BBX: variants seen among roughly 807,000 people sequenced by gnomAD.
BBX encodes the protein HMG box transcription factor BBX.
Under a neutral mutation model 100.2 loss-of-function variants are expected in BBX, and 30 were observed. That is an observed-to-expected ratio of 0.30 (90% CI 0.22 to 0.41). The LOEUF (loss-of-function observed/expected upper bound fraction) is 0.41, where lower values mean the gene tolerates loss of function less well. BBX is among the 10% of genes least tolerant of loss of function. The pLI is 1.00. For missense variants in BBX, 1,023 were observed against 1,129.8 expected (o/e 0.91, Z 1.35); for synonymous variants, 376 against 388.1 (o/e 0.97, Z 0.37).
At chr3:107,676,040 A>G (rs2059263231) in intron 3 of BBX, among the ~76,000 whole-genome samples, 3 of 152,168 alleles carry the variant, frequency 2.0e-5, no homozygotes, top group Admixed American at 6.6e-5. Flanking sequence ...ATTATCACAC[A>G]GTAGGAATGC....
intron 3 of BBX, among the ~76,000 whole-genome samples, chr3:107,691,056 A>G (rs1346312642): frequency 6.6e-6 from 1 of 151,838 alleles, no homozygotes. Context: ...ACCGGTGTGC[A>G]CCACCATGCC....
rs190481756 is a variant in BBX, at chr3:107,565,749, G to A, written c.-84+39351G>A. ...TCGGATTACAGGCATGAGCCACCGT[G>A]CCCAACCTAGTTTTTTTTTTATTTT... On this transcript the variant is annotated intron_variant, in intron 2 of 17. Coordinates refer to ENST00000325805, the MANE Select transcript of BBX (RefSeq NM_001142568.3). Among the ~76,000 whole-genome samples, 380 of 151,726 alleles carry A rather than the reference G, an allele frequency of 2.5e-3. 8 individuals are homozygous for A. Among genetic ancestry groups the A allele is most frequent in the Non-Finnish European group, 2.4e-4 (16 of 67,894 alleles).
At chr3:107,550,858 A>G (rs999734075) in intron 2 of BBX, among the ~76,000 whole-genome samples, 1 of 152,186 alleles carries the variant, frequency 6.6e-6, no homozygotes, top group Non-Finnish European at 1.5e-5. Context: ...AGAGACCTGG[A>G]TAGAGGTAAG....
chr3:107,644,827 G>C (rs905077795), intron 2 of BBX, among the ~76,000 whole-genome samples: 3 of 151,996 alleles, frequency 2.0e-5, no homozygotes, highest in African/African-American at 7.2e-5. Flanking sequence ...TTAATAGCAC[G>C]GGGTGGCAAC....
intron 2 of BBX, among the ~76,000 whole-genome samples, chr3:107,611,651 T>G (rs2054858146): frequency 6.6e-6 from 1 of 152,204 alleles, no homozygotes; most frequent in Non-Finnish European, 1.5e-5. Flanking sequence ...TCTTGATGTT[T>G]TTAGGATCCT....
chr3:107,593,470 A>G lies in BBX; in HGVS notation c.-83-52366A>G, dbSNP rs1217776662. On this transcript the variant is annotated intron_variant, in intron 2 of 17. Coordinates refer to ENST00000325805, the MANE Select transcript of BBX (RefSeq NM_001142568.3). The stretch of plus-strand genomic sequence containing the variant: ...TAGAGTAAGTTCAGTGTCAATGGAA[A>G]CCTTGAAGGATTCAGAAAACAGACT... Among the ~76,000 whole-genome samples, 5 of 152,184 alleles carry G rather than the reference A, an allele frequency of 3.3e-5. No homozygotes were observed. The East Asian group carries it at 9.6e-4, about 29-fold the overall frequency.
At chr3:107,797,337 A>ATATATATATATATAT (rs2069789795) in intron 15 of BBX, among the ~76,000 whole-genome samples, 9 of 39,342 alleles carry the variant, frequency 2.3e-4, no homozygotes, top group African/African-American at 5.3e-4. Flanking sequence ...TTTTCTTCCA[A>ATATATATATATATAT]ATATATATAT....
intron 3 of BBX, among the ~76,000 whole-genome samples, chr3:107,703,872 G>A (rs1419536491): frequency 2.0e-5 from 3 of 152,270 alleles, no homozygotes; most frequent in East Asian, 1.9e-4. Context: ...TCAGAGATGT[G>A]TATTTGCTTT....
rs530819928 is a variant in BBX, at chr3:107,696,249, C to T, written c.-9-14203C>T. Among the ~76,000 whole-genome samples, 597 of 151,894 alleles carry T rather than the reference C, an allele frequency of 3.9e-3. 16 individuals are homozygous for T. Among genetic ancestry groups the T allele is most frequent in the African/African-American group, 0.012 (503 of 41,176 alleles). On this transcript the variant is annotated intron_variant, in intron 3 of 17. Transcript: ENST00000325805. ...TTTGATCCTGTCATTGTGATGTTAGCTGGTTATTTTGCTCGTTAGTTGATC... is the reference window on the plus strand; with the variant it reads ...TTTGATCCTGTCATTGTGATGTTAGTTGGTTATTTTGCTCGTTAGTTGATC...
chr3:107,786,606 A>G (rs2068453531), intron 13 of BBX, among the ~76,000 whole-genome samples: 1 of 152,162 alleles, frequency 6.6e-6, no homozygotes, highest in Non-Finnish European at 1.5e-5. Flanking sequence ...ATTCAAATGA[A>G]GTTGGACACT....
chr3:107,791,291 C>A lies in BBX; in HGVS notation c.2345C>A (p.Pro782His), dbSNP rs138504832. The change falls in exon 15 of 18, where the codon CCT becomes CAT. Residue 782 changes from proline (P) to histidine (H), a missense_variant. Transcript: ENST00000325805. Reference protein sequence around the residue: ...NKQLFLDAIHPTEAIFSEDRN... With the variant: ...NKQLFLDAIHHTEAIFSEDRN... ...CAACTCTTCTTGGATGCCATTCACC[C>A]TACAGAAGGTAAGACAAGCAATGTT... 5 of 1,612,306 alleles carry A rather than the reference C, an allele frequency of 3.1e-6. No homozygotes were observed. The highest frequency in any genetic ancestry group is 2.2e-5 in the East Asian group (1 of 44,804).
intron 2 of BBX, among the ~76,000 whole-genome samples, chr3:107,549,272 A>G (rs1384681032): frequency 6.6e-6 from 1 of 152,246 alleles, no homozygotes; most frequent in Non-Finnish European, 1.5e-5. Context: ...TAAGACCATT[A>G]AAAATACTGC....
At chr3:107,543,892 T>G (rs2049028414) in intron 2 of BBX, among the ~76,000 whole-genome samples, 1 of 152,232 alleles carries the variant, frequency 6.6e-6, no homozygotes, top group African/African-American at 2.4e-5. Flanking sequence ...TTAACTGATT[T>G]GTGTACTGCG....
chr3:107,668,900 A>T (rs1433154461), intron 3 of BBX, among the ~76,000 whole-genome samples: 1 of 152,092 alleles, frequency 6.6e-6, no homozygotes, highest in African/African-American at 2.4e-5. Context: ...TCATGATGGG[A>T]CTGCGTTCTC....
At chr3:107,593,007 A>G (rs1337881323) in intron 2 of BBX, among the ~76,000 whole-genome samples, 1 of 152,216 alleles carries the variant, frequency 6.6e-6, no homozygotes, top group East Asian at 1.9e-4. Context: ...TTAACTTTGT[A>G]CTTCTAAAAA....
intron 15 of BBX, among the ~76,000 whole-genome samples, chr3:107,791,585 A>G (rs1456902934): frequency 1.3e-5 from 2 of 152,188 alleles, no homozygotes; most frequent in Non-Finnish European, 2.9e-5. Flanking sequence ...TGTATTCAGC[A>G]TTGCAGTTCA....
chr3:107,569,284 C>T (rs939996636), intron 2 of BBX, among the ~76,000 whole-genome samples: 3 of 152,170 alleles, frequency 2.0e-5, no homozygotes, highest in African/African-American at 7.2e-5. Context: ...CACTAGTTCT[C>T]ATATTGATAT....
At chr3:107,572,262 G>A (rs537346792) in intron 2 of BBX, among the ~76,000 whole-genome samples, 1 of 152,058 alleles carries the variant, frequency 6.6e-6, no homozygotes, top group African/African-American at 2.4e-5. Context: ...TAATCCTTTC[G>A]TTAGTTCTCA....
chr3:107,632,949 T>C (rs972429708), intron 2 of BBX, among the ~76,000 whole-genome samples: 1 of 152,164 alleles, frequency 6.6e-6, no homozygotes, highest in Non-Finnish European at 1.5e-5. Flanking sequence ...AAAATACTGA[T>C]TAAAAAACAA....
Sources: gnomAD v4.1 joint callset for allele counts (sites outside exome capture counted in the v4.1 genomes callset) on GRCh38, gnomAD v4.1.1 for gene constraint, MANE v1.5 for transcripts, NCBI Gene and HGNC (gene_info 2026-07-23, HGNC 2026-07-21) for gene names.